Variants in CLMP observed in about 807,000 individuals in gnomAD.
CLMP encodes the protein CXADR-like membrane protein.
In CLMP, 27 loss-of-function variants were observed where a neutral mutation model predicts 45.2. The observed-to-expected ratio is 0.60, with a 90% CI of 0.44 to 0.82. The LOEUF (loss-of-function observed/expected upper bound fraction) is 0.82. CLMP is among the 40% of genes least tolerant of loss of function. The pLI, the probability that CLMP is intolerant of heterozygous loss-of-function variation, is 0.00. For missense variants in CLMP, 403 were observed against 448.4 expected (o/e 0.90, Z 0.91); for synonymous variants, 167 against 171.4 (o/e 0.97, Z 0.20).
intron 2 of CLMP, 92 bp from the exon 3 acceptor site, chr11:123,084,805 G>T: frequency 9.2e-7 from 1 of 1,091,748 alleles, no homozygotes; most frequent in Non-Finnish European, 1.4e-6. Context: ...TACTCCCAGT[G>T]GCACAAAGTA....
intron 1 of CLMP, among the ~76,000 whole-genome samples, chr11:123,105,975 C>G (rs1189277161): frequency 2.0e-5 from 3 of 152,022 alleles, no homozygotes; most frequent in African/African-American, 7.2e-5. Flanking sequence ...CGCCACCACG[C>G]CTGGCTAATT....
intron 1 of CLMP, among the ~76,000 whole-genome samples, chr11:123,168,744 G>A (rs190584639): frequency 3.6e-4 from 55 of 152,294 alleles, no homozygotes; most frequent in Middle Eastern, 6.8e-3. Context: ...ATTATGTGAG[G>A]TGGATGCTGC....
intron 1 of CLMP, among the ~76,000 whole-genome samples, chr11:123,146,432 T>C (rs570260863): frequency 1.4e-4 from 21 of 152,266 alleles, no homozygotes; most frequent in African/African-American, 4.8e-4. Flanking sequence ...TCCTTACATA[T>C]TAAGCACCTG....
Position 123,088,505 on chromosome 11 carries a change from GA to G in CLMP, c.187-3793del, listed in dbSNP as rs749545480. ...TTTGTACTTTCTAGGAGAATGAAGA[GA>G]GGCAAAACCTACAAGACAGTGAAGC... On this transcript the variant is annotated intron_variant, in intron 2 of 6. Transcript: ENST00000448775. 4.8e-4 allele frequency among the ~76,000 whole-genome samples: 73 copies of G among 152,324 alleles called. 1 individual carries two copies. The highest frequency in any genetic ancestry group is 7.5e-4 in the Non-Finnish European group (51 of 68,036).
In CLMP at chr11:123,072,876, C is replaced by T. The variant is rs546429319; in HGVS notation, c.*598G>A. On this transcript the variant is annotated 3_prime_UTR_variant, in exon 7 of 7. Transcript: ENST00000448775. ...CTCATTCACTCTTCTCCATCTCCCACTATTTCAACTCCCCTTGAAATTAAT... is the reference window on the plus strand; with the variant it reads ...CTCATTCACTCTTCTCCATCTCCCATTATTTCAACTCCCCTTGAAATTAAT... 6.6e-6 allele frequency: 1 copy of T among 152,386 alleles called. No individual in the cohort carries two copies. The highest frequency in any genetic ancestry group is 1.9e-4 in the East Asian group (1 of 5,176). 9.4% of individuals were successfully genotyped at this position (152,386 alleles called of 1,614,324 possible). A position where few individuals can be genotyped will look rare whatever the true frequency, so the allele number is the denominator to read the frequency against.
rs533520497 is a variant in CLMP, at chr11:123,157,593, C to T, written c.28+37320G>A. Among the ~76,000 whole-genome samples the T allele has an allele frequency of 4.0e-3, 603 of 151,836 alleles. 2 individuals carry two copies. The highest frequency in any genetic ancestry group is 0.014 in the African/African-American group (576 of 41,384). ...AATTAGCTGGGCATGGTGGTAGTTG[C>T]CTATAATCCCAGCTACTCCGGAGGC... On this transcript the variant is annotated intron_variant, in intron 1 of 6. Coordinates refer to ENST00000448775, the MANE Select transcript of CLMP (RefSeq NM_024769.5).
chr11:123,102,707 CTTTTTTTTTTT>C (rs34392557), intron 1 of CLMP, among the ~76,000 whole-genome samples: 1 of 93,290 alleles, frequency 1.1e-5, no homozygotes, highest in Non-Finnish European at 1.9e-5. Flanking sequence ...TCCCGAGTAG[CTTTTTTTTTTT>C]TTTTTTTTTT....
At chr11:123,086,056 T>C (rs143172004) in intron 2 of CLMP, among the ~76,000 whole-genome samples, 3,157 of 152,098 alleles carry the variant, frequency 0.021, 103 homozygotes, top group East Asian at 0.17. Context: ...GGATTACAGG[T>C]GTGAGCCACT....
At position 123,193,526 on chromosome 11, in the gene CLMP, G is replaced by A. The variant is rs190027094; in HGVS notation, c.28+1387C>T. ...TTGCAGTATTTGGTTAAGTCTAAAAGAGTTTAGAAAATAACCCCTCCCCAC... is the reference window on the plus strand; with the variant it reads ...TTGCAGTATTTGGTTAAGTCTAAAAAAGTTTAGAAAATAACCCCTCCCCAC... On this transcript the variant is annotated intron_variant, in intron 1 of 6. Transcript: ENST00000448775. Among the ~76,000 whole-genome samples the A allele has an allele frequency of 8.1e-3, 1,240 of 152,270 alleles. 24 individuals carry two copies. Among genetic ancestry groups the A allele is most frequent in the African/African-American group, 0.028 (1,170 of 41,544 alleles).
At chr11:123,095,005 C>T (rs1364445738) in intron 2 of CLMP, among the ~76,000 whole-genome samples, 3 of 152,180 alleles carry the variant, frequency 2.0e-5, no homozygotes, top group African/African-American at 7.2e-5. Context: ...ATGTCTTCTT[C>T]ACTATTGTAT....
At chr11:123,076,663 A>G (rs1033201842) in intron 5 of CLMP, among the ~76,000 whole-genome samples, 2 of 152,332 alleles carry the variant, frequency 1.3e-5, no homozygotes, top group South Asian at 2.1e-4. Context: ...GGTCTGGAGC[A>G]TAGTGAGCAA....
chr11:123,180,826 A>T (rs968333495), intron 1 of CLMP, among the ~76,000 whole-genome samples: 1 of 151,926 alleles, frequency 6.6e-6, no homozygotes, highest in Non-Finnish European at 1.5e-5. Flanking sequence ...AAGCGCAAAG[A>T]CTCTGAGACA....
intron 1 of CLMP, among the ~76,000 whole-genome samples, chr11:123,158,560 G>C (rs1295923982): frequency 6.6e-6 from 1 of 152,140 alleles, no homozygotes; most frequent in East Asian, 1.9e-4. Context: ...GGCACTGCTC[G>C]TTGTTTTCCC....
intron 2 of CLMP, among the ~76,000 whole-genome samples, chr11:123,097,392 C>T (rs974879508): frequency 2.6e-5 from 4 of 151,906 alleles, no homozygotes; most frequent in Non-Finnish European, 5.9e-5. Context: ...GGCTGGAGTG[C>T]AGTGGCATGA....
rs532980599 is a variant in CLMP, at chr11:123,155,481, A to G, written c.28+39432T>C. On this transcript the variant is annotated intron_variant, in intron 1 of 6. Coordinates refer to ENST00000448775, the MANE Select transcript of CLMP (RefSeq NM_024769.5). ...TGCGACACAGTAAATTCGTTCTCTC[A>G]TTTGGTACTTACGCCCATCGTGTGA... Among the ~76,000 whole-genome samples, 222 of 152,318 alleles carry G rather than the reference A, an allele frequency of 1.5e-3. 1 individual carries two copies. The highest frequency in any genetic ancestry group is 1.4e-3 in the Non-Finnish European group (96 of 68,036).
Position 123,166,145 on chromosome 11 carries a change from G to A in CLMP, c.28+28768C>T, listed in dbSNP as rs558058871. On this transcript the variant is annotated intron_variant, in intron 1 of 6. Transcript: ENST00000448775. ...CATTCCACCTTCCAACCTCCTTTCC[G>A]CATCGTGAGGCTTCATACCTCGCAG... Among the ~76,000 whole-genome samples the A allele has an allele frequency of 5.9e-5, 9 of 151,990 alleles. No individual in the cohort carries two copies. The South Asian group carries it at 6.2e-4, about 11-fold the overall frequency.
chr11:123,165,028 G>A (rs1043244977), intron 1 of CLMP, among the ~76,000 whole-genome samples: 7 of 152,148 alleles, frequency 4.6e-5, no homozygotes, highest in African/African-American at 7.2e-5. Context: ...CTGTAAAAAC[G>A]CGATTTTGAC....
At chr11:123,119,133 G>C (rs1047923190) in intron 1 of CLMP, among the ~76,000 whole-genome samples, 35 of 145,342 alleles carry the variant, frequency 2.4e-4, no homozygotes, top group African/African-American at 8.7e-4. Flanking sequence ...GCCCAGGCTG[G>C]AGTGCAATGG....
rs747365497 is a variant in CLMP at position 123,083,099 on chromosome 11, C to T, written c.665G>A (p.Arg222Gln). ...TGGATGCTTACACTGTACAGTTACT[C>T]GCACCACACAGCTTTCCTTCCCAGC... ...NEAGKESCVV[R>Q]VTVQYVQSIG... The change falls in exon 5 of 7, where the codon CGA (arginine) becomes CAA (glutamine). Residue 222 changes from arginine to glutamine, a missense_variant. Transcript: ENST00000448775. 4.3e-6 allele frequency: 7 copies of T among 1,614,176 alleles called. No individual in the cohort carries two copies. Among genetic ancestry groups the T allele is most frequent in the South Asian group, 3.3e-5 (3 of 91,082 alleles).
Sources: gnomAD v4.1 joint callset for allele counts (sites outside exome capture counted in the v4.1 genomes callset) on GRCh38, gnomAD v4.1.1 for gene constraint, MANE v1.5 for transcripts, NCBI Gene and HGNC (gene_info 2026-07-23, HGNC 2026-07-21) for gene names.